ASAP1: variants seen among roughly 807,000 people sequenced by gnomAD.
The protein encoded by ASAP1 is arf-GAP with SH3 domain, ANK repeat and PH domain-containing protein 1.
ASAP1 carries 43 observed loss-of-function variants against 145.2 expected under a neutral mutation model. The ratio of observed to expected loss-of-function variants is 0.30; its 90% confidence interval spans 0.23 to 0.38. The LOEUF is 0.38. Among genes scored for constraint, ASAP1 ranks in the 10% least tolerant of loss-of-function variants. The pLI, the probability that ASAP1 is intolerant of heterozygous loss-of-function variation, is 1.00. For missense variants in ASAP1, 1,018 were observed against 1,355.3 expected, an observed-to-expected ratio of 0.75 and a Z score of 3.91; for synonymous variants, 546 against 515.5, an observed-to-expected ratio of 1.06 and a Z score of -0.80.
At chr8:130,407,253 C>T (rs1025125067) in intron 1 of ASAP1, among the ~76,000 whole-genome samples, 3 of 152,204 alleles carry the variant, frequency 2.0e-5, no homozygotes, top group Non-Finnish European at 4.4e-5. Context: ...CTCAATCCCA[C>T]TAAGGGACCT....
chr8:130,414,759 C>CTT (rs548202897), intron 1 of ASAP1, among the ~76,000 whole-genome samples: 26 of 140,396 alleles, frequency 1.9e-4, no homozygotes, highest in African/African-American at 5.7e-4. Flanking sequence ...TTCTATAACT[C>CTT]TTTTTTTTTT....
intron 3 of ASAP1, among the ~76,000 whole-genome samples, chr8:130,279,794 G>A (rs1038931709): frequency 2.2e-4 from 33 of 151,634 alleles, no homozygotes; most frequent in African/African-American, 7.5e-4. Context: ...AACATAGAGC[G>A]TTAAGCAGGA....
intron 2 of ASAP1, among the ~76,000 whole-genome samples, chr8:130,391,164 G>A (rs1333445118): frequency 7.5e-6 from 1 of 133,698 alleles, no homozygotes; most frequent in Non-Finnish European, 1.7e-5. Flanking sequence ...ATTATGTTAA[G>A]TAAGGCAGTA....
chr8:130,393,532 G>A (rs922785775), intron 2 of ASAP1, among the ~76,000 whole-genome samples: 7 of 152,206 alleles, frequency 4.6e-5, no homozygotes, highest in Admixed American at 1.3e-4. Flanking sequence ...AAGGCGGGCA[G>A]ATCACTTGAG....
chr8:130,311,675 C>T (rs1398303080), intron 3 of ASAP1, among the ~76,000 whole-genome samples: 3 of 142,820 alleles, frequency 2.1e-5, no homozygotes, highest in Non-Finnish European at 3.0e-5. Flanking sequence ...GCAAGAGAAT[C>T]GCTTGAACCC....
intron 3 of ASAP1, among the ~76,000 whole-genome samples, chr8:130,276,718 A>ACTCT (rs1820909354): frequency 9.5e-5 from 12 of 126,258 alleles, no homozygotes; most frequent in African/African-American, 3.6e-4. Flanking sequence ...ACACACACAC[A>ACTCT]CACACACACA....
chr8:130,312,738 C>A (rs565051004), intron 3 of ASAP1, among the ~76,000 whole-genome samples: 1 of 152,312 alleles, frequency 6.6e-6, no homozygotes, highest in Admixed American at 6.5e-5. Context: ...GATTCTAAAG[C>A]CCATGTTCAA....
intron 5 of ASAP1, among the ~76,000 whole-genome samples, chr8:130,213,152 G>C (rs1370146219): frequency 6.6e-6 from 1 of 152,114 alleles, no homozygotes; most frequent in African/African-American, 2.4e-5. Context: ...ACAAAAACAT[G>C]GATTTGTTAA....
chr8:130,142,325 G>T (rs1476855948), intron 13 of ASAP1, among the ~76,000 whole-genome samples: 1 of 152,080 alleles, frequency 6.6e-6, no homozygotes, highest in African/African-American at 2.4e-5. Flanking sequence ...TTACAGTAAG[G>T]GTTAGAGGTC....
At chr8:130,294,547 C>T (rs1822142870) in intron 3 of ASAP1, among the ~76,000 whole-genome samples, 2 of 152,208 alleles carry the variant, frequency 1.3e-5, no homozygotes, top group Admixed American at 6.5e-5. Context: ...GCAATAGCAC[C>T]TTCATGCAGT....
Position 130,177,051 on chromosome 8 carries a change from A to G in ASAP1, c.746+2213T>C, listed in dbSNP as rs192601797. ...CTGTCCAGCCCCATTATGATTAATAATGGATCTGACTTACTTCCTATACCT... is the reference window on the plus strand; with the variant it reads ...CTGTCCAGCCCCATTATGATTAATAGTGGATCTGACTTACTTCCTATACCT... On this transcript the variant is annotated intron_variant, in intron 9 of 29. Transcript: ENST00000518721. Among the ~76,000 whole-genome samples the G allele has an allele frequency of 1.3e-3, 193 of 152,292 alleles. 2 individuals are homozygous for G. Among genetic ancestry groups the G allele is most frequent in the Middle Eastern group, 3.4e-3 (1 of 294 alleles).
chr8:130,164,569 C>G (rs922047168), intron 11 of ASAP1, among the ~76,000 whole-genome samples: 8 of 152,220 alleles, frequency 5.3e-5, no homozygotes, highest in African/African-American at 1.9e-4. Flanking sequence ...CCAGTCTGGG[C>G]GACAGAGACT....
At chr8:130,153,303 C>A (rs2135962181) in intron 12 of ASAP1, among the ~76,000 whole-genome samples, 1 of 139,694 alleles carries the variant, frequency 7.2e-6, no homozygotes, top group South Asian at 2.2e-4. Context: ...CAGGTGTGAG[C>A]CACAGCACCT....
chr8:130,073,095 G>A lies in ASAP1; in HGVS notation c.2701+3253C>T, dbSNP rs193298760. 1.3e-4 allele frequency among the ~76,000 whole-genome samples: 20 copies of A among 150,708 alleles called. 1 individual carries two copies. The South Asian group carries it at 3.4e-3, about 26-fold the overall frequency. ...GAAATAGGCTGTTGTTGGTGAATTC[G>A]GATTATGGACGAATACTTTGGTAGG... On this transcript the variant is annotated intron_variant, in intron 27 of 29. Coordinates refer to ENST00000518721, the MANE Select transcript of ASAP1 (RefSeq NM_018482.4).
chr8:130,214,689 T>C lies in ASAP1; in HGVS notation c.272A>G (p.Asn91Ser). The C allele has an allele frequency of 2.5e-6, 4 of 1,593,262 alleles. No individual in the cohort carries two copies. Among genetic ancestry groups the C allele is most frequent in the Non-Finnish European group, 3.4e-6 (4 of 1,172,910 alleles). The change falls in exon 5 of 30, where the codon AAT (asparagine) becomes AGT (serine). Residue 91 changes from asparagine to serine, a missense_variant. Around this residue, in one of 9 missense-constraint regions of ASAP1, gnomAD observed 106 missense variants for 134.5 expected, o/e 0.79. Coordinates refer to ENST00000518721, the MANE Select transcript of ASAP1 (RefSeq NM_018482.4). ...AAGAACTTGTGCATAGTTTTCTTCA[T>C]TTTGTACATGATCTAAAAACAAAAA... is the stretch of plus-strand genomic sequence containing the variant. ...IYNSGQDHVQNEENYAQVLDK... is the reference protein window; with the variant it reads ...IYNSGQDHVQSEENYAQVLDK...
intron 2 of ASAP1, among the ~76,000 whole-genome samples, chr8:130,401,366 C>T (rs539979100): frequency 2.6e-5 from 4 of 152,224 alleles, no homozygotes; most frequent in African/African-American, 7.2e-5. Flanking sequence ...CTGCCTCAAC[C>T]TCCCGAGTAG....
intron 3 of ASAP1, among the ~76,000 whole-genome samples, chr8:130,348,940 C>G (rs1825844318): frequency 6.6e-6 from 1 of 152,174 alleles, no homozygotes; most frequent in African/African-American, 2.4e-5. Flanking sequence ...CAGCAAGAAT[C>G]AGAAGGGGCA....
intron 1 of ASAP1, among the ~76,000 whole-genome samples, chr8:130,410,841 C>T (rs1190807740): frequency 6.6e-6 from 1 of 152,158 alleles, no homozygotes; most frequent in African/African-American, 2.4e-5. Flanking sequence ...TGAAAAATCA[C>T]TTCTGGGAAC....
intron 14 of ASAP1, among the ~76,000 whole-genome samples, chr8:130,136,141 C>A (rs1156477049): frequency 6.6e-6 from 1 of 152,164 alleles, no homozygotes; most frequent in East Asian, 1.9e-4. Flanking sequence ...CACTGTCATC[C>A]TCTCTTTACA....
Sources: gnomAD v4.1 joint callset for allele counts (sites outside exome capture counted in the v4.1 genomes callset) on GRCh38, gnomAD v4.1.1 for gene constraint, gnomAD v4.1.1 regional missense constraint, MANE v1.5 for transcripts, NCBI Gene and HGNC (gene_info 2026-07-23, HGNC 2026-07-21) for gene names.